DNAI3: variants seen among roughly 807,000 people sequenced by gnomAD.
The protein encoded by DNAI3 is dynein axonemal intermediate chain 3.
A neutral mutation model predicts 115.5 loss-of-function variants in DNAI3; 83 were observed. The ratio of observed to expected loss-of-function variants is 0.72; its 90% CI spans 0.60 to 0.86. The LOEUF (loss-of-function observed/expected upper bound fraction) is 0.86. DNAI3 is among the 40% of genes least tolerant of loss of function. The pLI is 0.00. For missense variants in DNAI3, 1,004 were observed against 1,075.8 expected (o/e 0.93, Z 0.93); for synonymous variants, 320 against 347.0 (o/e 0.92, Z 0.86).
chr1:85,063,859 C>T (rs529587812), intron 1 of DNAI3, among the ~76,000 whole-genome samples: 2 of 152,158 alleles, frequency 1.3e-5, no homozygotes, highest in Non-Finnish European at 2.9e-5. Context: ...TTTTTAATTA[C>T]ATATTTATTT....
chr1:85,072,641 C>CAAAAAA, intron 2 of DNAI3, among the ~76,000 whole-genome samples: 1 of 101,476 alleles, frequency 9.9e-6, no homozygotes, highest in South Asian at 3.3e-4. Flanking sequence ...GACTCCATCT[C>CAAAAAA]AAAAAAAAAA....
intron 14 of DNAI3, among the ~76,000 whole-genome samples, chr1:85,105,197 A>T (rs1164374967): frequency 6.6e-6 from 1 of 152,062 alleles, no homozygotes; most frequent in Non-Finnish European, 1.5e-5. Flanking sequence ...CCACAGAAAA[A>T]GGTGTGGAGT....
chr1:85,128,088 G>T (rs1207828282), intron 20 of DNAI3, among the ~76,000 whole-genome samples: 1 of 126,436 alleles, frequency 7.9e-6, no homozygotes, highest in Non-Finnish European at 1.6e-5. Flanking sequence ...TCATACCACT[G>T]CATTCTAGCC....
intron 17 of DNAI3, 106 bp downstream of exon 17, chr1:85,117,965 C>T: frequency 7.6e-7 from 1 of 1,322,670 alleles, no homozygotes; most frequent in Non-Finnish European, 1.0e-6. Flanking sequence ...AAAAGTTATA[C>T]CATTTTCATA....
chr1:85,086,040 T>G lies in DNAI3; in HGVS notation c.740+10T>G. The G allele has an allele frequency of 1.2e-6, 2 of 1,612,208 alleles. No individual in the cohort carries two copies. The highest frequency in any genetic ancestry group is 2.2e-5 in the South Asian group (2 of 90,572). On this transcript the variant is annotated intron_variant, in intron 7 of 22. Transcript: ENST00000294664. ...GCACTCAGACAAAATGGTAAGTATGTGATGGGTGTATGTAATTTTATAGCC... is the reference window on the plus strand; with the variant it reads ...GCACTCAGACAAAATGGTAAGTATGGGATGGGTGTATGTAATTTTATAGCC...
rs1571163120 is a variant in DNAI3, at chr1:85,082,326, T to C, written c.312T>C (p.Leu104=). 6.2e-7 allele frequency: 1 copy of C among 1,613,668 alleles called. No homozygotes were observed. Among genetic ancestry groups the C allele is most frequent in the Non-Finnish European group, 8.5e-7 (1 of 1,179,790 alleles). ...VQEYPGNELL[L]VYDKDFKYGL... is the part of the protein sequence containing the mutation. ...AATATCCTGGAAATGAGCTTCTGCTTGTTTATGACAAAGACTTCAAATATG... is the reference window on the plus strand; with the variant it reads ...AATATCCTGGAAATGAGCTTCTGCTCGTTTATGACAAAGACTTCAAATATG... Residue 104 remains leucine (L), a synonymous_variant, in exon 5 of 23, where the codon CTT becomes CTC. Transcript: ENST00000294664.
chr1:85,076,334 A>AAAAT (rs1184908255), intron 3 of DNAI3, among the ~76,000 whole-genome samples: 5 of 152,172 alleles, frequency 3.3e-5, no homozygotes, highest in Non-Finnish European at 7.3e-5. Context: ...TAAAAAATGA[A>AAAAT]AAATAAATAA....
rs534303994 is a variant in DNAI3, at chr1:85,095,836, A to G, written c.1174-95A>G. 7 of 1,237,570 alleles carry G rather than the reference A, an allele frequency of 5.7e-6. No homozygotes were observed. The South Asian group carries it at 8.6e-5, about 15-fold the overall frequency. The allele number at this position is 1,237,570 out of a possible 1,614,324, so 76.7% of individuals were successfully genotyped here. ...CTACGCACCTTGCTTATAGATAGCT[A>G]TAAAATTAGACTTTTAACTGTCTTA... On this transcript the variant is annotated intron_variant, in intron 10 of 22. Coordinates refer to ENST00000294664, the MANE Select transcript of DNAI3 (RefSeq NM_145172.5).
At chr1:85,093,900 G>C (rs942803921) in intron 9 of DNAI3, 11 of 600,106 alleles carry the variant, frequency 1.8e-5, no homozygotes, top group South Asian at 1.5e-4. Context: ...GAAGTGACTC[G>C]CCCAGGTCAC....
chr1:85,104,333 A>G (rs1223083658), intron 13 of DNAI3, among the ~76,000 whole-genome samples, 191 bp from the exon 14 acceptor site: 3 of 152,052 alleles, frequency 2.0e-5, no homozygotes, highest in Non-Finnish European at 1.5e-5. Context: ...TGTTAGCCAG[A>G]ATGGTCTCTA....
At chr1:85,115,574 C>T (rs1655791378) in intron 16 of DNAI3, among the ~76,000 whole-genome samples, 2 of 152,176 alleles carry the variant, frequency 1.3e-5, no homozygotes, top group Admixed American at 1.3e-4. Flanking sequence ...TTCCCGTCAA[C>T]TCTGAATAAA....
chr1:85,097,713 A>G (rs1655165770), intron 12 of DNAI3, 58 bp downstream of exon 12: 9 of 1,459,024 alleles, frequency 6.2e-6, no homozygotes, highest in Non-Finnish European at 7.5e-6. Context: ...TTTATGGAAA[A>G]GTACATAATA....
chr1:85,088,993 T>C (rs939116002), intron 7 of DNAI3, among the ~76,000 whole-genome samples: 9 of 152,292 alleles, frequency 5.9e-5, no homozygotes, highest in African/African-American at 2.2e-4. Context: ...AAAAATGAAT[T>C]ATTCTAAAAA....
At position 85,071,441 on chromosome 1, in the gene DNAI3, A is replaced by G. The variant is rs536153627; in HGVS notation, c.-14-487A>G. 2.0e-5 allele frequency among the ~76,000 whole-genome samples: 3 copies of G among 152,376 alleles called. No individual in the cohort carries two copies. In the South Asian group the frequency reaches 6.2e-4, roughly 32 times the overall value. On this transcript the variant is annotated intron_variant, in intron 1 of 22. Coordinates refer to ENST00000294664, the MANE Select transcript of DNAI3 (RefSeq NM_145172.5). Reference sequence around the variant, plus strand: ...AAGGCCTTAGTGGTTTTGTGTTCACATGCTGAGATAAAAGTATGAGCTCAA... The same window carrying G: ...AAGGCCTTAGTGGTTTTGTGTTCACGTGCTGAGATAAAAGTATGAGCTCAA...
chr1:85,132,921 G>A lies in DNAI3; in HGVS notation c.2599G>A (p.Glu867Lys). Residue 867 changes from glutamate (E) to lysine (K), a missense_variant, in exon 23 of 23, where the codon GAA becomes AAA. By Grantham distance (56) the Glu-to-Lys change is moderately conservative. Coordinates refer to ENST00000294664, the MANE Select transcript of DNAI3 (RefSeq NM_145172.5). The stretch of plus-strand genomic sequence containing the variant: ...AAAAATGGACTATGAGAGTTATCTG[G>A]AACTGGAAAAGACTGTTCTTATCAA... ...ELKMDYESYL[E>K]LEKTVLINLG... 1.2e-6 allele frequency: 2 copies of A among 1,613,942 alleles called. No individual in the cohort carries two copies. The highest frequency in any genetic ancestry group is 1.7e-6 in the Non-Finnish European group (2 of 1,179,922).
At chr1:85,104,860 T>G (rs1184442748) in intron 14 of DNAI3, among the ~76,000 whole-genome samples, 2 of 152,238 alleles carry the variant, frequency 1.3e-5, no homozygotes, top group Admixed American at 6.5e-5. Flanking sequence ...ATTCTCATAT[T>G]TGTAAATTTG....
chr1:85,125,830 C>T (rs1656119380), intron 19 of DNAI3, among the ~76,000 whole-genome samples: 1 of 152,170 alleles, frequency 6.6e-6, no homozygotes, highest in Non-Finnish European at 1.5e-5. Flanking sequence ...CACCCCTGGT[C>T]AGTAGATGAA....
At chr1:85,102,338 G>A (rs190692014) in intron 13 of DNAI3, among the ~76,000 whole-genome samples, 1 of 151,800 alleles carries the variant, frequency 6.6e-6, no homozygotes, top group East Asian at 1.9e-4. Context: ...TATGTCCATC[G>A]GCTATGCATC....
At chr1:85,121,669 C>A in intron 17 of DNAI3, 82 bp from the exon 18 acceptor site, 1 of 1,275,012 alleles carries the variant, frequency 7.8e-7, no homozygotes, top group East Asian at 2.4e-5. Flanking sequence ...TTTTGCTTAA[C>A]AGTCAATCTT....
Sources: gnomAD v4.1 joint callset for allele counts (sites outside exome capture counted in the v4.1 genomes callset) on GRCh38, gnomAD v4.1.1 for gene constraint, MANE v1.5 for transcripts, NCBI Gene and HGNC (gene_info 2026-07-23, HGNC 2026-07-21) for gene names.